The following SEMA5A variants were observed in gnomAD, a reference collection of about 807,000 sequenced individuals.
SEMA5A encodes semaphorin-5A.
SEMA5A carries 55 observed loss-of-function variants against 135.5 expected under a neutral mutation model. The ratio of observed to expected loss-of-function variants is 0.41; its 90% CI spans 0.33 to 0.51. The LOEUF is 0.51. Among genes scored for constraint, SEMA5A ranks in the 20% least tolerant of loss-of-function variants. The pLI, the probability that SEMA5A is intolerant of heterozygous loss-of-function variation, is 0.37. For missense variants in SEMA5A, 1,290 were observed against 1,419.9 expected (o/e 0.91, Z 1.47); for synonymous variants, 580 against 546.5 (o/e 1.06, Z -0.85).
intron 13 of SEMA5A, among the ~76,000 whole-genome samples, chr5:9,128,087 G>A (rs989093438): frequency 5.3e-5 from 8 of 152,202 alleles, no homozygotes; most frequent in African/African-American, 1.7e-4. Flanking sequence ...TTTTTATGAA[G>A]AAAGTACTTT....
At chr5:9,452,572 G>A (rs1187878375) in intron 1 of SEMA5A, among the ~76,000 whole-genome samples, 1 of 152,204 alleles carries the variant, frequency 6.6e-6, no homozygotes, top group African/African-American at 2.4e-5. Context: ...TTAAGGCTAT[G>A]TTGAAATGAA....
chr5:9,264,785 C>CA (rs201735363), intron 5 of SEMA5A, among the ~76,000 whole-genome samples: 1,521 of 152,056 alleles, frequency 0.01, 28 homozygotes, highest in African/African-American at 0.035. Context: ...TATTTGAGGA[C>CA]AAAAATATAT....
intron 1 of SEMA5A, among the ~76,000 whole-genome samples, chr5:9,482,727 G>A (rs1381306893): frequency 6.6e-6 from 1 of 152,206 alleles, no homozygotes; most frequent in Non-Finnish European, 1.5e-5. Flanking sequence ...CTCTCACAAG[G>A]TAGGAGGAAC....
intron 2 of SEMA5A, among the ~76,000 whole-genome samples, chr5:9,416,134 CA>C (rs1300281423): frequency 6.6e-6 from 1 of 152,170 alleles, no homozygotes; most frequent in Non-Finnish European, 1.5e-5. Context: ...AGTGGGTCAT[CA>C]GATGAGGAAT....
At chr5:9,354,304 C>T (rs1002606884) in intron 3 of SEMA5A, among the ~76,000 whole-genome samples, 1 of 152,156 alleles carries the variant, frequency 6.6e-6, no homozygotes, top group Non-Finnish European at 1.5e-5. Context: ...AACTAGAAAG[C>T]TGTATTTACA....
At chr5:9,058,518 A>G (rs1425158492) in intron 18 of SEMA5A, among the ~76,000 whole-genome samples, 1 of 152,272 alleles carries the variant, frequency 6.6e-6, no homozygotes, top group African/African-American at 2.4e-5. Flanking sequence ...GCAATTAATT[A>G]TAGGAAATTA....
chr5:9,240,254 T>C (rs1748125310), intron 5 of SEMA5A, among the ~76,000 whole-genome samples: 1 of 152,062 alleles, frequency 6.6e-6, no homozygotes, highest in East Asian at 1.9e-4. Context: ...CTAGCTTGCC[T>C]ATAATATTCA....
intron 3 of SEMA5A, among the ~76,000 whole-genome samples, chr5:9,375,946 T>C (rs1755346163): frequency 6.6e-6 from 1 of 152,124 alleles, no homozygotes; most frequent in African/African-American, 2.4e-5. Context: ...TTTCTCTTCT[T>C]GATTCTATAT....
At chr5:9,347,072 T>TAAC (rs1753908612) in intron 3 of SEMA5A, among the ~76,000 whole-genome samples, 1 of 152,118 alleles carries the variant, frequency 6.6e-6, no homozygotes, top group African/African-American at 2.4e-5. Flanking sequence ...TATTTAATAA[T>TAAC]AACCAATTAG....
At chr5:9,238,782 A>G (rs1385104835) in intron 5 of SEMA5A, among the ~76,000 whole-genome samples, 4 of 151,470 alleles carry the variant, frequency 2.6e-5, no homozygotes, top group Non-Finnish European at 4.4e-5. Context: ...CATACCTGTT[A>G]TCAGAATTAT....
intron 12 of SEMA5A, among the ~76,000 whole-genome samples, chr5:9,152,450 G>A (rs960773419): frequency 5.3e-5 from 8 of 152,300 alleles, no homozygotes; most frequent in African/African-American, 1.9e-4. Context: ...TAGGAAGTAA[G>A]CATATATAAG....
At chr5:9,493,051 T>C (rs1314966697) in intron 1 of SEMA5A, among the ~76,000 whole-genome samples, 2 of 152,032 alleles carry the variant, frequency 1.3e-5, no homozygotes, top group Admixed American at 6.6e-5. Context: ...GGTTGATCGA[T>C]TGCAACAAAT....
intron 1 of SEMA5A, among the ~76,000 whole-genome samples, chr5:9,515,106 A>G (rs1736433887): frequency 6.6e-6 from 1 of 152,214 alleles, no homozygotes. Flanking sequence ...AAACATTCCC[A>G]TGAGCCTACA....
intron 5 of SEMA5A, among the ~76,000 whole-genome samples, chr5:9,299,100 TGGTGGGCATC>T (rs35134817): frequency 0.14 from 21,280 of 152,066 alleles, 1,580 homozygotes; most frequent in South Asian, 0.19. Flanking sequence ...TAAACATTGA[TGGTGGGCATC>T]ACTGTTCAGA....
intron 2 of SEMA5A, among the ~76,000 whole-genome samples, chr5:9,415,077 G>A (rs1467193576): frequency 1.3e-5 from 2 of 152,180 alleles, no homozygotes; most frequent in Admixed American, 6.5e-5. Context: ...GTCACCATGA[G>A]ACAGAATGGA....
At chr5:9,302,820 A>G (rs1161795592) in intron 5 of SEMA5A, among the ~76,000 whole-genome samples, 2 of 152,180 alleles carry the variant, frequency 1.3e-5, no homozygotes, top group African/African-American at 4.8e-5. Context: ...TCTAAACAGC[A>G]GGAAGAAAAA....
At chr5:9,413,096 C>T (rs1464265104) in intron 2 of SEMA5A, among the ~76,000 whole-genome samples, 1 of 152,036 alleles carries the variant, frequency 6.6e-6, no homozygotes, top group Non-Finnish European at 1.5e-5. Context: ...AGTCAGGTGG[C>T]CAGGCATTGG....
rs988595878 is a variant in SEMA5A, at chr5:9,380,030, C to T, written c.-77-7G>A. 4 of 1,488,576 alleles carry T rather than the reference C, an allele frequency of 2.7e-6. No individual in the cohort carries two copies. Among genetic ancestry groups the T allele is most frequent in the African/African-American group, 2.8e-5 (2 of 71,174 alleles). The allele number at this position is 1,488,576 out of a possible 1,614,324, so 92.2% of individuals were successfully genotyped here. A position where few individuals can be genotyped will look rare whatever the true frequency, so the allele number is the denominator to read the frequency against. On this transcript the variant is annotated splice_region_variant and splice_polypyrimidine_tract_variant and intron_variant, in intron 2 of 22. Transcript: ENST00000382496. ...CCTCATGTGTGGAAAGTGCCTAAAA[C>T]ACACAAAAGAGAAGAATCAGATGAC...
At chr5:9,223,860 A>G (rs1235209400) in intron 8 of SEMA5A, among the ~76,000 whole-genome samples, 1 of 152,030 alleles carries the variant, frequency 6.6e-6, no homozygotes, top group Non-Finnish European at 1.5e-5. Context: ...AGCGAACCTC[A>G]ATTTGGATGG....
Sources: gnomAD v4.1 joint callset for allele counts (sites outside exome capture counted in the v4.1 genomes callset) on GRCh38, gnomAD v4.1.1 for gene constraint, MANE v1.5 for transcripts, NCBI Gene and HGNC (gene_info 2026-07-23, HGNC 2026-07-21) for gene names.